FANCI: variants seen among roughly 807,000 people sequenced by gnomAD.
The protein encoded by FANCI is FA complementation group I, also known as Fanconi anemia group I protein.
Under a neutral mutation model 176.1 loss-of-function variants are expected in FANCI, and 156 were observed. The observed-to-expected ratio is 0.89, with a 90% confidence interval of 0.78 to 1.01. The LOEUF is 1.01. Among genes scored for constraint, FANCI ranks in the 50% least tolerant of loss-of-function variants. The pLI is 0.00. For missense variants in FANCI, 1,678 were observed against 1,534.1 expected (o/e 1.09, Z -1.57); for synonymous variants, 613 against 541.7 (o/e 1.13, Z -1.83).
intron 7 of FANCI, 75 bp from the exon 8 acceptor site, chr15:89,263,828 T>A: frequency 6.4e-7 from 1 of 1,564,560 alleles, no homozygotes; most frequent in South Asian, 1.1e-5. Flanking sequence ...TTAACCACTG[T>A]AAAGCCCTGA....
intron 2 of FANCI, among the ~76,000 whole-genome samples, chr15:89,255,931 A>C (rs1374481918): frequency 6.6e-6 from 1 of 152,178 alleles, no homozygotes; most frequent in Non-Finnish European, 1.5e-5. Context: ...GCTCTGTGCA[A>C]ATTCTTCTCC....
intron 1 of FANCI, among the ~76,000 whole-genome samples, chr15:89,246,031 G>C (rs1165193489): frequency 6.6e-6 from 1 of 152,176 alleles, no homozygotes; most frequent in African/African-American, 2.4e-5. Context: ...ATGTGGTGAA[G>C]GATGAAGGCA....
chr15:89,272,248 T>G (rs2053228139), intron 10 of FANCI, among the ~76,000 whole-genome samples: 1 of 152,242 alleles, frequency 6.6e-6, no homozygotes, highest in East Asian at 1.9e-4. Context: ...TAATACCTTC[T>G]TTGGTGAAAT....
chr15:89,316,070 ACT>A (rs968237923), intron 37 of FANCI, among the ~76,000 whole-genome samples: 2 of 151,728 alleles, frequency 1.3e-5, no homozygotes, highest in African/African-American at 4.8e-5. Flanking sequence ...GGCCCCATCC[ACT>A]CTCTTTACCC....
intron 23 of FANCI, 125 bp downstream of exon 23, chr15:89,294,122 C>A: frequency 8.8e-7 from 1 of 1,132,998 alleles, no homozygotes; most frequent in Non-Finnish European, 1.3e-6. Context: ...TTTTATTTTT[C>A]TTGAAATAAA....
chr15:89,272,525 T>C (rs994374571), intron 10 of FANCI, among the ~76,000 whole-genome samples: 20 of 152,182 alleles, frequency 1.3e-4, no homozygotes, highest in African/African-American at 4.1e-4. Flanking sequence ...GTAGAAATTA[T>C]GCTTTTGGTA....
chr15:89,266,764 C>T (rs1596254506), intron 9 of FANCI, among the ~76,000 whole-genome samples: 1 of 152,336 alleles, frequency 6.6e-6, no homozygotes, highest in East Asian at 1.9e-4. Context: ...CAAGCTGCCA[C>T]ACCCAGCAGA....
In FANCI at chr15:89,252,317, A is replaced by T. The variant is rs1315096887; in HGVS notation, c.84+4586A>T. ...TTCCATCTAAAAAAAAAAAAAAGAAAATATAAAACGTCTCTCTTTGTAGAT... is the reference window on the plus strand; with the variant it reads ...TTCCATCTAAAAAAAAAAAAAAGAATATATAAAACGTCTCTCTTTGTAGAT... On this transcript the variant is annotated intron_variant, in intron 2 of 37. Transcript: ENST00000310775. 5.3e-5 allele frequency among the ~76,000 whole-genome samples: 8 copies of T among 152,202 alleles called. No individual in the cohort carries two copies. The East Asian group carries it at 1.5e-3, about 29-fold the overall frequency.
At chr15:89,258,914 C>T (rs2052606824) in intron 3 of FANCI, 138 bp downstream of exon 3, 1 of 714,636 alleles carries the variant, frequency 1.4e-6, no homozygotes, top group Non-Finnish European at 2.5e-6. Flanking sequence ...TCAACTACAG[C>T]AGCAGTTTCC....
Position 89,316,808 on chromosome 15 carries a change from G to GTAAA in FANCI, c.*352_*355dup. ...AGCCTTTGGTGAGTTCAATTATCTG[G>GTAAA]TAAATATCCAGCGCTTCACCTGAAA... On this transcript the variant is annotated 3_prime_UTR_variant, in exon 38 of 38. Coordinates refer to ENST00000310775, the MANE Select transcript of FANCI (RefSeq NM_001113378.2). 1 of 1,613,666 alleles carries GTAAA rather than the reference G, an allele frequency of 6.2e-7. No homozygotes were observed. Among genetic ancestry groups the GTAAA allele is most frequent in the Non-Finnish European group, 8.5e-7 (1 of 1,179,586 alleles).
In FANCI at chr15:89,264,601, G is replaced by A; in HGVS notation, c.749G>A (p.Gly250Asp). 6.2e-7 allele frequency: 1 copy of A among 1,611,832 alleles called. No individual in the cohort carries two copies. The highest frequency in any genetic ancestry group is 8.5e-7 in the Non-Finnish European group (1 of 1,178,194). ...AAGCAGCACAATGAGGAACAGAGTG[G>A]TGACGAGTGAGTAATATAGTGTAGA... ...LDKQHNEEQS[G>D]DELLDVVTVP... Residue 250 changes from glycine (G) to aspartate (D), a missense_variant, in exon 9 of 38, where the codon GGT becomes GAT. Gly to Asp is a moderately conservative substitution (Grantham distance 94). Coordinates refer to ENST00000310775, the MANE Select transcript of FANCI (RefSeq NM_001113378.2).
At position 89,291,630 on chromosome 15, in the gene FANCI, G is replaced by A; in HGVS notation, c.1908G>A (p.Glu636=). 6.2e-7 allele frequency: 1 copy of A among 1,613,664 alleles called. No homozygotes were observed. Among genetic ancestry groups the A allele is most frequent in the Non-Finnish European group, 8.5e-7 (1 of 1,179,786 alleles). ...ATACACAGTTAAAACAGTTCTATGA[G>A]CCAAAACCTGATCTGCTGCCTCCTC... ...TLLSQLKQFY[E]PKPDLLPPLK... Residue 636 remains glutamate, a synonymous_variant, in exon 20 of 38, where the codon GAG becomes GAA. Coordinates refer to ENST00000310775, the MANE Select transcript of FANCI (RefSeq NM_001113378.2).
intron 2 of FANCI, among the ~76,000 whole-genome samples, chr15:89,250,445 C>CA (rs914801018): frequency 6.7e-6 from 1 of 150,148 alleles, no homozygotes; most frequent in Admixed American, 6.7e-5. Flanking sequence ...ATCGCAAGGA[C>CA]AAAAAAACCA....
intron 10 of FANCI, among the ~76,000 whole-genome samples, chr15:89,269,780 G>T (rs886494801): frequency 6.6e-6 from 1 of 151,158 alleles, no homozygotes; most frequent in East Asian, 1.9e-4. Flanking sequence ...ATTTTATTCC[G>T]TTTTTATATT....
chr15:89,254,227 C>T (rs2052397974), intron 2 of FANCI, among the ~76,000 whole-genome samples: 1 of 152,004 alleles, frequency 6.6e-6, no homozygotes, highest in Admixed American at 6.6e-5. Context: ...TAAAAAGATG[C>T]CTTAGTAACA....
chr15:89,266,903 G>A (rs1221560479), intron 9 of FANCI, among the ~76,000 whole-genome samples: 1 of 151,922 alleles, frequency 6.6e-6, no homozygotes, highest in Admixed American at 6.6e-5. Context: ...TATATATTAG[G>A]GTCCCATAAG....
chr15:89,262,186 G>A (rs1248718195), intron 6 of FANCI, among the ~76,000 whole-genome samples: 2 of 151,960 alleles, frequency 1.3e-5, no homozygotes, highest in African/African-American at 4.8e-5. Context: ...AAGCATTATT[G>A]GAGTCTCAAG....
At chr15:89,252,863 C>G (rs1263144231) in intron 2 of FANCI, among the ~76,000 whole-genome samples, 1 of 152,162 alleles carries the variant, frequency 6.6e-6, no homozygotes, top group East Asian at 1.9e-4. Context: ...TGGGGAGTCT[C>G]AACATCACGA....
chr15:89,282,708 G>A (rs77431590), intron 16 of FANCI: 443 of 240,444 alleles, frequency 1.8e-3, no homozygotes, highest in African/African-American at 9.5e-3. Flanking sequence ...GAGAAGACAA[G>A]TGTGACATTT....
Sources: allele counts gnomAD v4.1 joint callset (sites outside exome capture counted in the v4.1 genomes callset), GRCh38; gene constraint gnomAD v4.1.1; transcripts MANE v1.5; gene names NCBI Gene and HGNC (gene_info 2026-07-23, HGNC 2026-07-21).